Variants in GAP43 observed in about 807,000 individuals in gnomAD.
GAP43 encodes growth associated protein 43, also known as neuromodulin.
GAP43 carries 6 observed loss-of-function variants against 18.6 expected under a neutral mutation model. The observed-to-expected ratio is 0.32, with a 90% CI of 0.18 to 0.64. GAP43 has a LOEUF of 0.64. Among genes scored for constraint, GAP43 ranks in the 30% least tolerant of loss-of-function variants. GAP43 has a pLI of 0.78. For missense variants in GAP43, 292 were observed against 295.5 expected, an observed-to-expected ratio of 0.99 and a Z score of 0.09; for synonymous variants, 115 against 111.4, an observed-to-expected ratio of 1.03 and a Z score of -0.20.
intron 2 of GAP43, among the ~76,000 whole-genome samples, chr3:115,686,751 A>T (rs1192959895): frequency 6.6e-6 from 1 of 152,228 alleles, no homozygotes; most frequent in South Asian, 2.1e-4. Flanking sequence ...AAAAATAGAC[A>T]TGTTGATGGA....
chr3:115,658,582 C>G (rs1708616306), intron 1 of GAP43: 1 of 152,134 alleles, frequency 6.6e-6, no homozygotes, highest in Non-Finnish European at 1.5e-5. Flanking sequence ...CGCTGAGACC[C>G]TGGGGACCGC....
At chr3:115,698,389 C>G (rs1039596549) in intron 2 of GAP43, among the ~76,000 whole-genome samples, 1 of 133,920 alleles carries the variant, frequency 7.5e-6, no homozygotes, top group African/African-American at 2.8e-5. Flanking sequence ...CATCTATTAG[C>G]TTTGCACAAT....
intron 1 of GAP43, chr3:115,658,435 T>C (rs1308221982): frequency 1.3e-5 from 2 of 152,320 alleles, no homozygotes; most frequent in Admixed American, 6.5e-5. Flanking sequence ...TCTCATTTTC[T>C]GCCTTCTTTA....
intron 2 of GAP43, among the ~76,000 whole-genome samples, chr3:115,694,081 G>A (rs1160027285): frequency 6.6e-6 from 1 of 152,140 alleles, no homozygotes; most frequent in East Asian, 1.9e-4. Context: ...TGTGTGGTGA[G>A]ACAGCAGCCA....
At chr3:115,635,808 A>G (rs1314147966) in intron 1 of GAP43, among the ~76,000 whole-genome samples, 3 of 151,972 alleles carry the variant, frequency 2.0e-5, no homozygotes, top group Non-Finnish European at 4.4e-5. Context: ...ATCTTCACTT[A>G]GTGGAACGAA....
chr3:115,715,181 A>G (rs1709488964), intron 2 of GAP43, among the ~76,000 whole-genome samples: 1 of 152,232 alleles, frequency 6.6e-6, no homozygotes, highest in South Asian at 2.1e-4. Context: ...GAACACAGAC[A>G]TTTAATGCAT....
At chr3:115,717,877 G>T (rs908741028) in intron 2 of GAP43, among the ~76,000 whole-genome samples, 4 of 152,050 alleles carry the variant, frequency 2.6e-5, no homozygotes, top group Non-Finnish European at 4.4e-5. Context: ...TTCGTCTTTT[G>T]TCCTAGGACC....
chr3:115,634,755 G>T (rs934934078), intron 1 of GAP43, among the ~76,000 whole-genome samples: 7 of 152,002 alleles, frequency 4.6e-5, no homozygotes, highest in Non-Finnish European at 1.5e-5. Flanking sequence ...GGGTGACAGA[G>T]CGAGACTCTG....
chr3:115,639,018 A>G (rs1362196161), intron 1 of GAP43, among the ~76,000 whole-genome samples: 1 of 152,076 alleles, frequency 6.6e-6, no homozygotes, highest in Non-Finnish European at 1.5e-5. Flanking sequence ...TTTGCACACT[A>G]TGGTTTCTCA....
At chr3:115,640,745 G>A (rs1022375629) in intron 1 of GAP43, among the ~76,000 whole-genome samples, 1 of 152,024 alleles carries the variant, frequency 6.6e-6, no homozygotes, top group African/African-American at 2.4e-5. Context: ...TCCAGTGAAG[G>A]GTCAAGAGGT....
At chr3:115,684,516 G>A (rs1448449962) in intron 2 of GAP43, among the ~76,000 whole-genome samples, 3 of 152,144 alleles carry the variant, frequency 2.0e-5, no homozygotes, top group Admixed American at 1.3e-4. Flanking sequence ...AATATGTAGG[G>A]AAAGGGCTGC....
chr3:115,628,018 T>G lies in GAP43; in HGVS notation c.30+4299T>G, dbSNP rs77355585. Among the ~76,000 whole-genome samples, 1,305 of 152,270 alleles carry G rather than the reference T, an allele frequency of 8.6e-3. 21 individuals carry two copies. The highest frequency in any genetic ancestry group is 0.031 in the African/African-American group (1,273 of 41,566). On this transcript the variant is annotated intron_variant, in intron 1 of 2. Transcript: ENST00000305124. The stretch of plus-strand genomic sequence containing the variant: ...ACCAGACACAAATGAACACTTTGCT[T>G]ACCTTAAGGATTTTTGTAGGGCTTA...
chr3:115,710,853 C>A (rs1434778086), intron 2 of GAP43, among the ~76,000 whole-genome samples: 1 of 151,546 alleles, frequency 6.6e-6, no homozygotes, highest in East Asian at 1.9e-4. Context: ...ATTTTTTTTC[C>A]TTCTTTTCCG....
At chr3:115,678,838 G>A (rs1708924486) in intron 2 of GAP43, among the ~76,000 whole-genome samples, 1 of 151,272 alleles carries the variant, frequency 6.6e-6, no homozygotes, top group African/African-American at 2.4e-5. Flanking sequence ...GGTAGGTACT[G>A]TCCTCTTGGT....
chr3:115,716,844 G>A (rs888482715), intron 2 of GAP43, among the ~76,000 whole-genome samples: 4 of 141,240 alleles, frequency 2.8e-5, no homozygotes, highest in East Asian at 4.2e-4. Context: ...CCATCTAATC[G>A]AGTTTCATCA....
chr3:115,686,173 A>G (rs1328429590), intron 2 of GAP43, among the ~76,000 whole-genome samples: 1 of 152,238 alleles, frequency 6.6e-6, no homozygotes, highest in Non-Finnish European at 1.5e-5. Context: ...ACCCCAGATC[A>G]TTATATTTTA....
At position 115,661,831 on chromosome 3, in the gene GAP43, C is replaced by CTTTTTTTTTTTTTTTTTTTTT. The variant is rs56209932; in HGVS notation, c.31-14168_31-14167insTTTTTTTTTTTTTTTTTTTTT. Among the ~76,000 whole-genome samples, 13 of 105,968 alleles carry CTTTTTTTTTTTTTTTTTTTTT rather than the reference C, an allele frequency of 1.2e-4. 2 individuals are homozygous for CTTTTTTTTTTTTTTTTTTTTT. Among genetic ancestry groups the CTTTTTTTTTTTTTTTTTTTTT allele is most frequent in the African/African-American group, 5.3e-4 (13 of 24,546 alleles). The allele number at this position is 105,968 out of a possible 152,430, so 69.5% of individuals were successfully genotyped here. A position where few individuals can be genotyped will look rare whatever the true frequency, so the allele number is the denominator to read the frequency against. On this transcript the variant is annotated intron_variant, in intron 1 of 2. Coordinates refer to ENST00000305124, the MANE Select transcript of GAP43 (RefSeq NM_002045.4). ...AGTTTGGCTTGGGGAGAAACTAGGG[C>CTTTTTTTTTTTTTTTTTTTTT]TTTTTTTTTTTTTTACCTGGGAGCT...
chr3:115,657,299 GGTGT>G lies in GAP43; in HGVS notation c.31-18709_31-18706del, dbSNP rs943907528. On this transcript the variant is annotated intron_variant, in intron 1 of 2. Coordinates refer to ENST00000305124, the MANE Select transcript of GAP43 (RefSeq NM_002045.4). ...TAGGTCTAAGGAGAAAGACTGCTTA[GGTGT>G]GTGTTCACCCCCAGGACGAAGAAAG... is the stretch of plus-strand genomic sequence containing the variant. Among the ~76,000 whole-genome samples the G allele has an allele frequency of 1.2e-4, 19 of 152,262 alleles. No individual in the cohort carries two copies. In the East Asian group the frequency reaches 3.7e-3, roughly 29 times the overall value.
chr3:115,718,749 C>A (rs577481337), intron 2 of GAP43, among the ~76,000 whole-genome samples: 1 of 152,182 alleles, frequency 6.6e-6, no homozygotes, highest in East Asian at 1.9e-4. Flanking sequence ...CTTTATTTAC[C>A]AGACTAGTCT....
Sources: gnomAD v4.1 joint callset for allele counts (sites outside exome capture counted in the v4.1 genomes callset) on GRCh38, gnomAD v4.1.1 for gene constraint, MANE v1.5 for transcripts, NCBI Gene and HGNC (gene_info 2026-07-23, HGNC 2026-07-21) for gene names.